The following DHRS2 variants were observed in gnomAD, a reference collection of about 807,000 sequenced individuals.
DHRS2 encodes dehydrogenase/reductase 2, also known as dehydrogenase/reductase SDR family member 2, mitochondrial.
Under a neutral mutation model 26.3 loss-of-function variants are expected in DHRS2, and 29 were observed. That is an observed-to-expected ratio of 1.10 (90% CI 0.82 to 1.50). The LOEUF is 1.50. DHRS2 is among the 40% of genes most tolerant of loss of function. DHRS2 has a pLI of 0.00. For missense variants in DHRS2, 439 were observed against 367.1 expected, an observed-to-expected ratio of 1.20 and a Z score of -1.60; for synonymous variants, 164 against 151.3, an observed-to-expected ratio of 1.08 and a Z score of -0.62.
chr14:23,633,143 A>T (rs972740486), upstream of DHRS2, among the ~76,000 whole-genome samples: 2 of 152,144 alleles, frequency 1.3e-5, no homozygotes, highest in African/African-American at 4.8e-5. Context: ...GTTCATGGTG[A>T]TATATCTTCA....
At chr14:23,642,238 A>G in intron 4 of DHRS2, 1 of 832,640 alleles carries the variant, frequency 1.2e-6, no homozygotes, top group Non-Finnish European at 1.5e-6. Flanking sequence ...TACAGCCTGC[A>G]TTTTTATGAC....
chr14:23,639,231 A>T lies in DHRS2; in HGVS notation c.193A>T (p.Ile65Phe), dbSNP rs761844165. 2.5e-6 allele frequency: 4 copies of T among 1,613,750 alleles called. No individual in the cohort carries two copies. Among genetic ancestry groups the T allele is most frequent in the Non-Finnish European group, 3.4e-6 (4 of 1,179,928 alleles). The change falls in exon 3 of 9, where the codon ATC becomes TTC. Residue 65 changes from isoleucine to phenylalanine, a missense_variant. Transcript: ENST00000250383. Reference protein sequence around the residue: ...RLARDGAHVVISSRKQQNVDR... With the variant: ...RLARDGAHVVFSSRKQQNVDR... Reference sequence around the variant, plus strand: ...GGCCCGGGACGGGGCCCACGTGGTCATCAGCAGCCGGAAGCAGCAGAACGT... The same window carrying T: ...GGCCCGGGACGGGGCCCACGTGGTCTTCAGCAGCCGGAAGCAGCAGAACGT...
Position 23,639,004 on chromosome 14 carries a change from G to C in DHRS2, c.140G>C (p.Gly47Ala). Reference protein sequence around the residue: ...RVAVVTGSTSGIGFAIARRLA... With the variant: ...RVAVVTGSTSAIGFAIARRLA... Reference sequence around the variant, plus strand: ...GCCGTGGTCACGGGGTCCACCAGTGGGTGAGTGCTGGATTGCCCATGGGTC... The same window carrying C: ...GCCGTGGTCACGGGGTCCACCAGTGCGTGAGTGCTGGATTGCCCATGGGTC... Residue 47 changes from glycine (G) to alanine (A), a missense_variant and splice_region_variant, in exon 2 of 9, where the codon GGG (glycine) becomes GCG (alanine). Coordinates refer to ENST00000250383, the MANE Select transcript of DHRS2 (RefSeq NM_005794.4). The C allele has an allele frequency of 6.2e-7, 1 of 1,612,680 alleles. No individual in the cohort carries two copies. Among genetic ancestry groups the C allele is most frequent in the East Asian group, 2.2e-5 (1 of 44,872 alleles).
At chr14:23,640,075 G>T in intron 4 of DHRS2, 180 bp downstream of exon 4, 1 of 697,716 alleles carries the variant, frequency 1.4e-6, no homozygotes, top group Non-Finnish European at 2.0e-6. Flanking sequence ...CTACTTTCTG[G>T]CTTGTTGGTT....
intron 4 of DHRS2, chr14:23,640,365 C>T: frequency 1.0e-6 from 1 of 985,518 alleles, no homozygotes; most frequent in Non-Finnish European, 1.2e-6. Flanking sequence ...CTGAGTCCCA[C>T]ACAAACTTGC....
chr14:23,639,019 G>A lies in DHRS2; in HGVS notation c.140+15G>A. 6.2e-7 allele frequency: 1 copy of A among 1,611,808 alleles called. No homozygotes were observed. Among genetic ancestry groups the A allele is most frequent in the Non-Finnish European group, 8.5e-7 (1 of 1,179,488 alleles). ...TCCACCAGTGGGTGAGTGCTGGATT[G>A]CCCATGGGTCCTGGCCCCTCACAGG... On this transcript the variant is annotated intron_variant, in intron 2 of 8. Transcript: ENST00000250383.
Position 23,645,300 on chromosome 14 carries a change from T to G in DHRS2, c.*47T>G, listed in dbSNP as rs879607256. 25 of 1,612,834 alleles carry G rather than the reference T, an allele frequency of 1.6e-5. No individual in the cohort carries two copies. The highest frequency in any genetic ancestry group is 2.1e-5 in the Non-Finnish European group (25 of 1,180,002). ...AGCTGTGGTCCCAGGCCCAGGAGCC[T>G]GAGGGGGTGTCTAGGTGATCATTTG... On this transcript the variant is annotated 3_prime_UTR_variant, in exon 9 of 9. Coordinates refer to ENST00000250383, the MANE Select transcript of DHRS2 (RefSeq NM_005794.4).
rs1890287068 is a variant in DHRS2, at chr14:23,636,447, T to C, written c.-364T>C. 1 of 152,184 alleles carries C rather than the reference T, an allele frequency of 6.6e-6. No individual in the cohort carries two copies. Among genetic ancestry groups the C allele is most frequent in the African/African-American group, 2.4e-5 (1 of 41,454 alleles). 9.4% of individuals were successfully genotyped at this position (152,184 alleles called of 1,614,324 possible). On this transcript the variant is annotated 5_prime_UTR_variant, in exon 1 of 9. Transcript: ENST00000250383. ...ATAAATCTTGCTGCTGCTCACTCGT[T>C]GGGTCCGTGCCACCTTTAAGAGCTG... is the stretch of plus-strand genomic sequence containing the variant.
chr14:23,635,261 C>T (rs772626395), upstream of DHRS2, among the ~76,000 whole-genome samples: 1 of 152,154 alleles, frequency 6.6e-6, no homozygotes, highest in Non-Finnish European at 1.5e-5. Context: ...ACCTTGTTGC[C>T]CAGGCTGGTC....
At chr14:23,635,347 C>T (rs867067954), upstream of DHRS2, among the ~76,000 whole-genome samples, 12 of 152,168 alleles carry the variant, frequency 7.9e-5, no homozygotes, top group African/African-American at 2.9e-4. Context: ...AGCTACCGTG[C>T]CTGGCCTCAG....
chr14:23,634,405 T>C (rs1405340075), upstream of DHRS2, among the ~76,000 whole-genome samples: 1 of 152,030 alleles, frequency 6.6e-6, no homozygotes, highest in Non-Finnish European at 1.5e-5. Flanking sequence ...TCCCCACAGC[T>C]CTACTGCGGA....
rs2138376237 is a variant in DHRS2 at position 23,638,933 on chromosome 14, G to A, written c.69G>A (p.Met23Ile). The change falls in exon 2 of 9, where the codon ATG becomes ATA. Residue 23 changes from methionine to isoleucine, a missense_variant. Physicochemically the swap from Met to Ile is conservative, Grantham distance 10. Coordinates refer to ENST00000250383, the MANE Select transcript of DHRS2 (RefSeq NM_005794.4). ...CCTGTGCTAGGCTTTCTGTGAGGAT[G>A]AGCAGCACCGGGATAGACAGGAAGG... is the stretch of plus-strand genomic sequence containing the variant. ...FHPCARLSVR[M>I]SSTGIDRKGV... 1 of 1,614,190 alleles carries A rather than the reference G, an allele frequency of 6.2e-7. No homozygotes were observed. The highest frequency in any genetic ancestry group is 1.7e-4 in the Middle Eastern group (1 of 6,046).
At chr14:23,632,008 G>A (rs1270898907), upstream of DHRS2, among the ~76,000 whole-genome samples, 3 of 152,204 alleles carry the variant, frequency 2.0e-5, no homozygotes, top group East Asian at 5.8e-4. Flanking sequence ...ACCACATTGA[G>A]GCAAGTTCAG....
In DHRS2 at chr14:23,636,759, C is replaced by T. The variant is rs1890316045; in HGVS notation, c.-52C>T. The T allele has an allele frequency of 6.6e-6, 1 of 152,216 alleles. No homozygotes were observed. Among genetic ancestry groups the T allele is most frequent in the African/African-American group, 2.4e-5 (1 of 41,448 alleles). 9.4% of individuals were successfully genotyped at this position (152,216 alleles called of 1,614,324 possible). A position where few individuals can be genotyped will look rare whatever the true frequency, so the allele number is the denominator to read the frequency against. On this transcript the variant is annotated 5_prime_UTR_variant, in exon 1 of 9. Coordinates refer to ENST00000250383, the MANE Select transcript of DHRS2 (RefSeq NM_005794.4). ...CCATCACCAAGCGGTGAGACTATCA[C>T]CTATCGCCAAGTGGTGAGTACCATC...
chr14:23,630,981 A>G (rs2138351779), intron 1 of DHRS2, among the ~76,000 whole-genome samples: 1 of 152,312 alleles, frequency 6.6e-6, no homozygotes, highest in Non-Finnish European at 1.5e-5. Flanking sequence ...GGCATCATAG[A>G]TAATAGATTG....
rs529188012 is a variant in DHRS2, at chr14:23,639,360, AG to A, written c.318+9del. The A allele has an allele frequency of 6.8e-5, 106 of 1,562,712 alleles. 1 individual carries two copies. In the East Asian group the frequency reaches 2.2e-3, roughly 33 times the overall value. On this transcript the variant is annotated splice_donor_5th_base_variant and intron_variant, in intron 3 of 8. Transcript: ENST00000250383. ...CCGGGAGCAGCTGGTGGCCAAGGTGAGGGGGCAGGCGGTGGAAGGACACAGA... is the reference window on the plus strand; with the variant it reads ...CCGGGAGCAGCTGGTGGCCAAGGTGAGGGGCAGGCGGTGGAAGGACACAGA...
rs531371660 is a variant in DHRS2, at chr14:23,645,488, G to A, written c.*235G>A. On this transcript the variant is annotated 3_prime_UTR_variant, in exon 9 of 9. Coordinates refer to ENST00000250383, the MANE Select transcript of DHRS2 (RefSeq NM_005794.4). ...ATGTGGGGTTCTTGGTGTGGGTCTG[G>A]GGAGCTGAAGGATTTTATGGAGCTG... is the stretch of plus-strand genomic sequence containing the variant. The A allele has an allele frequency of 1.4e-5, 10 of 733,660 alleles. No homozygotes were observed. Among genetic ancestry groups the A allele is most frequent in the South Asian group, 6.7e-5 (3 of 44,834 alleles). The allele number at this position is 733,660 out of a possible 1,614,324, so 45.4% of individuals were successfully genotyped here. A position where few individuals can be genotyped will look rare whatever the true frequency, so the allele number is the denominator to read the frequency against.
upstream of DHRS2, among the ~76,000 whole-genome samples, chr14:23,631,543 C>T (rs1421145627): frequency 1.3e-5 from 2 of 150,530 alleles, no homozygotes; most frequent in Non-Finnish European, 2.9e-5. Flanking sequence ...TTGTTTTCTT[C>T]CTCTACCCCC....
Position 23,630,119 on chromosome 14 carries a change from A to G in DHRS2, c.-155A>G, listed in dbSNP as rs377112168. The G allele has an allele frequency of 5.3e-5, 8 of 152,360 alleles. No individual in the cohort carries two copies. The East Asian group carries it at 1.3e-3, about 26-fold the overall frequency. 9.4% of individuals were successfully genotyped at this position (152,360 alleles called of 1,614,324 possible). A position where few individuals can be genotyped will look rare whatever the true frequency, so the allele number is the denominator to read the frequency against. On this transcript the variant is annotated 5_prime_UTR_variant, in exon 1 of 7. Coordinates refer to the DHRS2 transcript ENST00000432832. ...CCAGGAATCTTTGTGTTGTTCAGAT[A>G]GAATCTGCAGTGCCTGAAATCCAGC...
Sources: gnomAD v4.1 joint callset for allele counts (sites outside exome capture counted in the v4.1 genomes callset) on GRCh38, gnomAD v4.1.1 for gene constraint, MANE v1.5 for transcripts, NCBI Gene and HGNC (gene_info 2026-07-23, HGNC 2026-07-21) for gene names.